Variants in PTPRN2 observed in about 807,000 individuals in gnomAD.
PTPRN2 encodes the protein receptor-type tyrosine-protein phosphatase N2.
Under a neutral mutation model 118.8 loss-of-function variants are expected in PTPRN2, and 74 were observed. The ratio of observed to expected loss-of-function variants is 0.62; its 90% confidence interval spans 0.52 to 0.76. PTPRN2 has a LOEUF of 0.76. PTPRN2 is among the 30% of genes least tolerant of loss of function. The pLI is 0.00. For missense variants in PTPRN2, 1,481 were observed against 1,394.4 expected (o/e 1.06, Z -0.99); for synonymous variants, 641 against 608.0 (o/e 1.05, Z -0.80).
At chr7:157,870,829 TC>T (rs1370811837) in intron 12 of PTPRN2, among the ~76,000 whole-genome samples, 1 of 152,208 alleles carries the variant, frequency 6.6e-6, no homozygotes, top group African/African-American at 2.4e-5. Context: ...CCCACCTTGA[TC>T]CCCCAGAGCA....
intron 12 of PTPRN2, among the ~76,000 whole-genome samples, chr7:157,815,077 C>T (rs545357826): frequency 1.6e-4 from 24 of 152,322 alleles, no homozygotes; most frequent in East Asian, 5.8e-4. Context: ...CTGGGAGCAG[C>T]GCGGGAGGCA....
At chr7:157,692,054 G>C (rs1197977962) in intron 12 of PTPRN2, among the ~76,000 whole-genome samples, 1 of 152,222 alleles carries the variant, frequency 6.6e-6, no homozygotes, top group Non-Finnish European at 1.5e-5. Context: ...AAAGGAAGAG[G>C]GGGGCGCAGA....
At chr7:158,333,850 A>C (rs1214075222) in intron 2 of PTPRN2, among the ~76,000 whole-genome samples, 4 of 143,168 alleles carry the variant, frequency 2.8e-5, no homozygotes, top group Non-Finnish European at 6.1e-5. Flanking sequence ...CATAGAGCTG[A>C]CACCCGCAGA....
At chr7:157,717,944 G>C (rs200694347) in intron 12 of PTPRN2, among the ~76,000 whole-genome samples, 1 of 152,240 alleles carries the variant, frequency 6.6e-6, no homozygotes, top group Non-Finnish European at 1.5e-5. Context: ...TGAAACATGC[G>C]CAGCCATTTC....
Position 157,760,913 on chromosome 7 carries a change from C to G in PTPRN2, c.1789-77976G>C, listed in dbSNP as rs187476407. ...AATTGAATACCCTTTATTTCCTTCT[C>G]CTGCCTAATTGCCCTGGCCAAGCAT... On this transcript the variant is annotated intron_variant, in intron 12 of 22. Coordinates refer to ENST00000389418, the MANE Select transcript of PTPRN2 (RefSeq NM_002847.5). 1.3e-4 allele frequency among the ~76,000 whole-genome samples: 20 copies of G among 152,270 alleles called. No homozygotes were observed. The East Asian group carries it at 3.9e-3, about 29-fold the overall frequency.
chr7:158,462,214 G>A (rs929270308), intron 2 of PTPRN2, among the ~76,000 whole-genome samples: 2 of 152,178 alleles, frequency 1.3e-5, no homozygotes, highest in Non-Finnish European at 2.9e-5. Context: ...GGAGGAGTTT[G>A]GGTGAGCTTG....
chr7:158,522,353 G>C (rs77345297), intron 1 of PTPRN2, among the ~76,000 whole-genome samples: 1,500 of 90,564 alleles, frequency 0.017, 191 homozygotes, highest in South Asian at 0.067. Flanking sequence ...CACAATGGTG[G>C]ACTGTCCAGG....
rs532235306 is a variant in PTPRN2, at chr7:158,509,007, C to A, written c.113-19222G>T. Among the ~76,000 whole-genome samples the A allele has an allele frequency of 6.6e-6, 1 of 151,890 alleles. No homozygotes were observed. Among genetic ancestry groups the A allele is most frequent in the African/African-American group, 2.4e-5 (1 of 41,386 alleles). ...GCAGGAAGCTGAGCTCACAAGGGGT[C>A]GGATTGCAAGATCTCTTCAGAGGTG... On this transcript the variant is annotated intron_variant, in intron 1 of 22. Transcript: ENST00000389418. This position sits in a 1 kb window ranked among gnomAD's most constrained non-coding sequence, Gnocchi z 4.4.
intron 14 of PTPRN2, among the ~76,000 whole-genome samples, chr7:157,639,362 A>G (rs1272366684): frequency 6.6e-6 from 1 of 152,186 alleles, no homozygotes; most frequent in Non-Finnish European, 1.5e-5. Context: ...GAGAACACAC[A>G]GTTGGTTCTT....
At chr7:157,766,534 C>T (rs914462795) in intron 12 of PTPRN2, among the ~76,000 whole-genome samples, 6 of 152,212 alleles carry the variant, frequency 3.9e-5, no homozygotes, top group African/African-American at 9.7e-5. Flanking sequence ...TGAAGAGACA[C>T]GGGAGGAATC....
Position 158,343,359 on chromosome 7 carries a change from G to A in PTPRN2, c.164-26427C>T, listed in dbSNP as rs1297115102. Among the ~76,000 whole-genome samples, 12 of 152,282 alleles carry A rather than the reference G, an allele frequency of 7.9e-5. No homozygotes were observed. In the South Asian group the frequency reaches 1.5e-3, roughly 18 times the overall value. Reference sequence around the variant, plus strand: ...AAAACCACAGTGAGACCTACTGCCCGCTCAGCAGGACATCTGCTATCAAAA... The same window carrying A: ...AAAACCACAGTGAGACCTACTGCCCACTCAGCAGGACATCTGCTATCAAAA... On this transcript the variant is annotated intron_variant, in intron 2 of 22. Transcript: ENST00000389418.
chr7:157,903,125 C>T lies in PTPRN2; in HGVS notation c.1724-4388G>A, dbSNP rs1022973921. On this transcript the variant is annotated intron_variant, in intron 11 of 22. Coordinates refer to ENST00000389418, the MANE Select transcript of PTPRN2 (RefSeq NM_002847.5). The surrounding 1 kb of genome is among the most constrained non-coding windows in gnomAD (Gnocchi z 4.2). ...GCAGGAACCAGACATCATCAGAGAG[C>T]CACACGCTGCCACACACTCTCGCAC... Among the ~76,000 whole-genome samples the T allele has an allele frequency of 2.0e-5, 3 of 152,254 alleles. No individual in the cohort carries two copies. The East Asian group carries it at 5.8e-4, about 29-fold the overall frequency.
chr7:158,260,664 C>G (rs1006005843), intron 3 of PTPRN2, among the ~76,000 whole-genome samples: 2 of 152,218 alleles, frequency 1.3e-5, no homozygotes, highest in Non-Finnish European at 2.9e-5. Context: ...CACACCCACA[C>G]ACAAACACAA....
chr7:157,686,845 G>C (rs901927432), intron 12 of PTPRN2, among the ~76,000 whole-genome samples: 2 of 152,090 alleles, frequency 1.3e-5, no homozygotes, highest in Admixed American at 1.3e-4. Flanking sequence ...TGCACAGATA[G>C]GCACACTTCA....
At chr7:158,156,576 G>A (rs539969658) in intron 6 of PTPRN2, among the ~76,000 whole-genome samples, 12 of 152,344 alleles carry the variant, frequency 7.9e-5, no homozygotes, top group South Asian at 2.1e-4. Context: ...TAGAAATGCC[G>A]GTGGAGAGGG....
chr7:158,489,709 C>A (rs764590398), intron 2 of PTPRN2, 26 bp downstream of exon 2: 11 of 1,561,474 alleles, frequency 7.0e-6, no homozygotes, highest in Non-Finnish European at 9.5e-6. Flanking sequence ...CAGACCAGGG[C>A]GCAGCAGCCA....
intron 12 of PTPRN2, among the ~76,000 whole-genome samples, chr7:157,710,344 C>T (rs1374944510): frequency 6.6e-6 from 1 of 152,166 alleles, no homozygotes; most frequent in Non-Finnish European, 1.5e-5. Flanking sequence ...TGTGGTGGCT[C>T]ATGTCTGTAA....
At chr7:157,864,943 T>C (rs1160261330) in intron 12 of PTPRN2, 4 of 152,226 alleles carry the variant, frequency 2.6e-5, no homozygotes, top group Non-Finnish European at 4.4e-5. Context: ...GGCTCACAGC[T>C]GGCAGGCACC....
Position 157,819,626 on chromosome 7 carries a change from C to T in PTPRN2, c.1788+79047G>A, listed in dbSNP as rs569217260. On this transcript the variant is annotated intron_variant, in intron 12 of 22. Coordinates refer to ENST00000389418, the MANE Select transcript of PTPRN2 (RefSeq NM_002847.5). ...ACAAGGGTACACCAAGCGGCCACGG[C>T]ACAGCCCTCCCCACCCCTACCTCCT... Among the ~76,000 whole-genome samples the T allele has an allele frequency of 2.0e-5, 3 of 151,980 alleles. No homozygotes were observed. In the South Asian group the frequency reaches 6.2e-4, roughly 31 times the overall value.
Sources: allele counts gnomAD v4.1 joint callset (sites outside exome capture counted in the v4.1 genomes callset), GRCh38; gene constraint gnomAD v4.1.1; non-coding constraint Gnocchi (gnomAD v3.1); transcripts MANE v1.5; gene names NCBI Gene and HGNC (gene_info 2026-07-23, HGNC 2026-07-21).